Variants in PPP1R13B observed in about 807,000 individuals in gnomAD.
PPP1R13B encodes the protein protein phosphatase 1 regulatory subunit 13B, also known as apoptosis-stimulating of p53 protein 1.
Under a neutral mutation model 119.8 loss-of-function variants are expected in PPP1R13B, and 44 were observed. The ratio of observed to expected loss-of-function variants is 0.37; its 90% CI spans 0.29 to 0.47. PPP1R13B has a LOEUF of 0.47. Ranked by LOEUF, PPP1R13B falls within the 20% of genes least tolerant of loss-of-function variation. The probability of loss-of-function intolerance (pLI) is 0.99; values close to 1 mark genes in which losing one functional copy is unlikely to be tolerated. For synonymous variants in PPP1R13B, 542 were observed against 561.5 expected (o/e 0.97, Z 0.49); for missense variants, 1,227 against 1,413.5 (o/e 0.87, Z 2.12).
intron 12 of PPP1R13B, among the ~76,000 whole-genome samples, chr14:103,739,437 T>C (rs2084195800): frequency 6.6e-6 from 1 of 152,220 alleles, no homozygotes; most frequent in Non-Finnish European, 1.5e-5. Flanking sequence ...GAGGGTTCCC[T>C]GAGATGGCGC....
At chr14:103,823,784 T>C (rs899320064) in intron 1 of PPP1R13B, among the ~76,000 whole-genome samples, 2 of 152,126 alleles carry the variant, frequency 1.3e-5, no homozygotes, top group African/African-American at 4.8e-5. Context: ...AGAAATCCTG[T>C]TTTTTAAAGT....
chr14:103,847,202 G>T (rs1270191745), intron 1 of PPP1R13B, 97 bp downstream of exon 1: 105 of 1,031,306 alleles, frequency 1.0e-4, no homozygotes, highest in Non-Finnish European at 1.2e-4. Flanking sequence ...GCCCGGCCTC[G>T]CACCGGCCCG....
rs778868458 is a variant in PPP1R13B at position 103,740,127 on chromosome 14, G to C, written c.2289C>G (p.Thr763=). Residue 763 remains threonine, a synonymous_variant, in exon 12 of 17, where the codon ACC becomes ACG. Transcript: ENST00000202556. The surrounding 1 kb of genome is among the most constrained non-coding windows in gnomAD (Gnocchi z 4.6). ...GCTCTTCCAGGTTTCCATTGGCATT[G>C]GTGTTTCCATTGTCCACATCGGCCA... ...GTLADVDNGN[T]NANGNLEELP... The C allele has an allele frequency of 6.2e-7, 1 of 1,613,612 alleles. No individual in the cohort carries two copies. The highest frequency in any genetic ancestry group is 8.5e-7 in the Non-Finnish European group (1 of 1,180,030).
intron 2 of PPP1R13B, among the ~76,000 whole-genome samples, chr14:103,794,889 C>G (rs552159255): frequency 1.3e-5 from 2 of 152,166 alleles, no homozygotes; most frequent in African/African-American, 2.4e-5. Context: ...CAGACAAGTT[C>G]CCGCCTTCAG....
intron 4 of PPP1R13B, among the ~76,000 whole-genome samples, chr14:103,761,274 TAA>T (rs59281762): frequency 2.5e-4 from 26 of 104,734 alleles, no homozygotes; most frequent in African/African-American, 8.5e-4. Flanking sequence ...ACCCTATATT[TAA>T]AAAAAAAAAA....
At chr14:103,769,149 G>A (rs1466522240) in intron 4 of PPP1R13B, among the ~76,000 whole-genome samples, 2 of 152,036 alleles carry the variant, frequency 1.3e-5, no homozygotes, top group Non-Finnish European at 2.9e-5. Context: ...GCAGTGGTGC[G>A]ATCTTGGCTC....
chr14:103,740,470 G>A lies in PPP1R13B; in HGVS notation c.1946C>T (p.Pro649Leu), dbSNP rs772728873. The A allele has an allele frequency of 1.9e-6, 3 of 1,609,928 alleles. No individual in the cohort carries two copies. Among genetic ancestry groups the A allele is most frequent in the Non-Finnish European group, 1.7e-6 (2 of 1,177,234 alleles). ...QPPSESTEKE[P>L]EQDGPAAPAD... is the part of the protein sequence containing the mutation. Reference sequence around the variant, plus strand: ...GGGGGCGGCGGGGCCATCCTGCTCAGGCTCTTTCTCAGTACTTTCTGAAGG... The same window carrying A: ...GGGGGCGGCGGGGCCATCCTGCTCAAGCTCTTTCTCAGTACTTTCTGAAGG... The change falls in exon 12 of 17, where the codon CCT becomes CTT. Residue 649 changes from proline to leucine, a missense_variant. Physicochemically the swap from Pro to Leu is moderately conservative, Grantham distance 98. Transcript: ENST00000202556. This position sits in a 1 kb window ranked among gnomAD's most constrained non-coding sequence, Gnocchi z 4.6.
chr14:103,832,749 C>T (rs976416862), intron 1 of PPP1R13B, among the ~76,000 whole-genome samples: 7 of 152,138 alleles, frequency 4.6e-5, no homozygotes, highest in African/African-American at 7.2e-5. Context: ...GGGCGGGGTG[C>T]AGGGGGAAGA....
intron 3 of PPP1R13B, among the ~76,000 whole-genome samples, chr14:103,780,485 CAAAAAAA>C (rs34274916): frequency 1.4e-4 from 5 of 36,212 alleles, no homozygotes; most frequent in Non-Finnish European, 1.4e-4. Flanking sequence ...AACCCTGTCT[CAAAAAAA>C]AAAAAAAAAA....
At chr14:103,810,632 C>T (rs1389948585) in intron 1 of PPP1R13B, among the ~76,000 whole-genome samples, 3 of 151,702 alleles carry the variant, frequency 2.0e-5, no homozygotes, top group Non-Finnish European at 4.4e-5. Flanking sequence ...ATTAGCTGGG[C>T]GTGGTGGTGG....
rs775824032 is a variant in PPP1R13B, at chr14:103,784,797, T to C, written c.275A>G (p.Gln92Arg). ...HEDSPTENSEQGGRQTQEQRT... is the reference protein window; with the variant it reads ...HEDSPTENSERGGRQTQEQRT... ...TGAGGAAGAAAGCAGTTATCTACCTTGTTCACTGTTCTCAGTTGGGGAGTC... is the reference window on the plus strand; with the variant it reads ...TGAGGAAGAAAGCAGTTATCTACCTCGTTCACTGTTCTCAGTTGGGGAGTC... The change falls in exon 3 of 17, where the codon CAA becomes CGA. Residue 92 changes from glutamine to arginine, a missense_variant and splice_region_variant. Gln to Arg is a conservative substitution (Grantham distance 43, BLOSUM62 1). Transcript: ENST00000202556. 1.9e-6 allele frequency: 3 copies of C among 1,594,652 alleles called. No individual in the cohort carries two copies. The highest frequency in any genetic ancestry group is 2.3e-5 in the East Asian group (1 of 44,410).
chr14:103,810,638 G>T (rs545291217), intron 1 of PPP1R13B, among the ~76,000 whole-genome samples: 2 of 151,750 alleles, frequency 1.3e-5, no homozygotes, highest in African/African-American at 2.4e-5. Context: ...TGGGCGTGGT[G>T]GTGGGCGCCT....
chr14:103,737,486 G>A lies in PPP1R13B; in HGVS notation c.3031+208C>T, dbSNP rs965022938. On this transcript the variant is annotated intron_variant, in intron 15 of 16. Transcript: ENST00000202556. ...AGCTACTTGGGAGGCTGAAGTGGGA[G>A]GATCAATTGAGCCCGGGAGGTCGAG... 4 of 523,008 alleles carry A rather than the reference G, an allele frequency of 7.6e-6. No homozygotes were observed. In the African/African-American group the frequency reaches 7.8e-5, roughly 10 times the overall value. 32.4% of individuals were successfully genotyped at this position (523,008 alleles called of 1,614,324 possible).
intron 12 of PPP1R13B, 150 bp downstream of exon 12, chr14:103,739,674 G>T: frequency 1.0e-6 from 1 of 959,984 alleles, no homozygotes; most frequent in Non-Finnish European, 1.5e-6. Context: ...ATTTGTCTGT[G>T]TGACTGTCCG....
At chr14:103,761,943 A>AATAAT (rs1251003873) in intron 4 of PPP1R13B, among the ~76,000 whole-genome samples, 1 of 152,184 alleles carries the variant, frequency 6.6e-6, no homozygotes, top group Non-Finnish European at 1.5e-5. Flanking sequence ...ATAAACCCAA[A>AATAAT]ATATTCTGCT....
chr14:103,785,713 T>C (rs1250110873), intron 2 of PPP1R13B, among the ~76,000 whole-genome samples: 1 of 151,802 alleles, frequency 6.6e-6, no homozygotes, highest in African/African-American at 2.4e-5. Context: ...GGTTTTACCA[T>C]GTTGGCTAGG....
Position 103,740,657 on chromosome 14 carries a change from A to G in PPP1R13B, c.1823-64T>C. On this transcript the variant is annotated intron_variant, in intron 11 of 16. Coordinates refer to ENST00000202556, the MANE Select transcript of PPP1R13B (RefSeq NM_015316.3). The surrounding 1 kb of genome is among the most constrained non-coding windows in gnomAD (Gnocchi z 4.6). ...TACAGAGATCTAGTCATACACACCT[A>G]TGATTACACCAGAGACAGGCTCCTG... The G allele has an allele frequency of 7.5e-7, 1 of 1,341,880 alleles. No individual in the cohort carries two copies. The highest frequency in any genetic ancestry group is 9.8e-7 in the Non-Finnish European group (1 of 1,021,062). 83.1% of individuals were successfully genotyped at this position (1,341,880 alleles called of 1,614,324 possible). A position where few individuals can be genotyped will look rare whatever the true frequency, so the allele number is the denominator to read the frequency against.
At chr14:103,800,793 G>A (rs1366893166) in intron 1 of PPP1R13B, among the ~76,000 whole-genome samples, 1 of 151,978 alleles carries the variant, frequency 6.6e-6, no homozygotes, top group Admixed American at 6.6e-5. Context: ...CTTTGAACTG[G>A]TTTCCTTGCC....
chr14:103,738,197 T>C lies in PPP1R13B; in HGVS notation c.2865-337A>G, dbSNP rs983161539. ...TTATGTTATGTGTATTTTACCACGA[T>C]TCAAATGCAGCACAATGTCAGCTGT... On this transcript the variant is annotated intron_variant, in intron 14 of 16. Coordinates refer to ENST00000202556, the MANE Select transcript of PPP1R13B (RefSeq NM_015316.3). This position sits in a 1 kb window ranked among gnomAD's most constrained non-coding sequence, Gnocchi z 5.6. Among the ~76,000 whole-genome samples the C allele has an allele frequency of 1.3e-5, 2 of 152,236 alleles. No homozygotes were observed. The highest frequency in any genetic ancestry group is 4.1e-4 in the South Asian group (2 of 4,832).
Sources: allele counts gnomAD v4.1 joint callset (sites outside exome capture counted in the v4.1 genomes callset), GRCh38; gene constraint gnomAD v4.1.1; non-coding constraint Gnocchi (gnomAD v3.1); transcripts MANE v1.5; gene names NCBI Gene and HGNC (gene_info 2026-07-23, HGNC 2026-07-21).